ZFHX3: variants seen among roughly 807,000 people sequenced by gnomAD.
ZFHX3 encodes the protein zinc finger homeobox protein 3.
ZFHX3 carries 42 observed loss-of-function variants against 279.1 expected under a neutral mutation model. The observed-to-expected ratio is 0.15, with a 90% CI of 0.12 to 0.19. ZFHX3 has a LOEUF of 0.19. ZFHX3 is among the 10% of genes least tolerant of loss of function. The pLI is 1.00. For synonymous variants in ZFHX3, 2,293 were observed against 1,957.8 expected (o/e 1.17, Z -4.52); for missense variants, 4,981 against 4,754.0 (o/e 1.05, Z -1.40).
intron 4 of ZFHX3, among the ~76,000 whole-genome samples, chr16:73,304,534 ACT>A (rs1355168047): frequency 1.3e-5 from 2 of 150,644 alleles, no homozygotes; most frequent in Non-Finnish European, 3.0e-5. Flanking sequence ...CCCATCCCCC[ACT>A]CTCTCCCCGC....
chr16:73,039,827 C>T (rs1362868664), intron 1 of ZFHX3, among the ~76,000 whole-genome samples: 1 of 152,144 alleles, frequency 6.6e-6, no homozygotes, highest in Admixed American at 6.5e-5. Context: ...CCACCATGCA[C>T]AACCCAAGCA....
intron 1 of ZFHX3, among the ~76,000 whole-genome samples, chr16:73,018,933 C>T (rs920891251): frequency 3.9e-5 from 6 of 152,152 alleles, no homozygotes; most frequent in African/African-American, 7.2e-5. Context: ...CTTCCGGTTC[C>T]GCTAAGACTC....
intron 3 of ZFHX3, among the ~76,000 whole-genome samples, chr16:73,431,533 G>T (rs909788780): frequency 6.6e-6 from 1 of 151,964 alleles, no homozygotes; most frequent in Non-Finnish European, 1.5e-5. Flanking sequence ...AGAGGGAGAC[G>T]CTGTCTCAAG....
At chr16:73,194,714 G>A (rs192518839) in intron 5 of ZFHX3, among the ~76,000 whole-genome samples, 1 of 152,214 alleles carries the variant, frequency 6.6e-6, no homozygotes, top group Admixed American at 6.5e-5. Flanking sequence ...TGCAATTTTT[G>A]TCCACACCCA....
At chr16:73,293,953 T>C (rs1208659345) in intron 4 of ZFHX3, 1 of 140,670 alleles carries the variant, frequency 7.1e-6, no homozygotes, top group Non-Finnish European at 1.5e-5. Context: ...AGAAAACCTT[T>C]GCATTATTCC....
intron 4 of ZFHX3, among the ~76,000 whole-genome samples, chr16:72,832,560 C>G (rs1438295886): frequency 6.6e-6 from 1 of 152,214 alleles, no homozygotes; most frequent in Non-Finnish European, 1.5e-5. Context: ...ATTTGTGATT[C>G]ATTCACTAAA....
intron 2 of ZFHX3, among the ~76,000 whole-genome samples, chr16:73,550,303 C>T (rs527701034): frequency 2.6e-5 from 4 of 152,266 alleles, no homozygotes; most frequent in South Asian, 2.1e-4. Context: ...TGTCAGGTCA[C>T]GGGGGACACA....
At chr16:73,694,594 G>A (rs551295073) in intron 1 of ZFHX3, among the ~76,000 whole-genome samples, 76 of 152,084 alleles carry the variant, frequency 5.0e-4, no homozygotes, top group African/African-American at 1.8e-3. Flanking sequence ...CATCCGCCTC[G>A]GCCTCCCAAA....
chr16:73,310,353 C>T (rs923950422), intron 4 of ZFHX3, among the ~76,000 whole-genome samples: 4 of 152,052 alleles, frequency 2.6e-5, no homozygotes, highest in African/African-American at 9.7e-5. Context: ...AAAAAGTGAC[C>T]AATTTTTAGC....
intron 4 of ZFHX3, among the ~76,000 whole-genome samples, chr16:72,879,899 G>A (rs975712016): frequency 1.3e-5 from 2 of 152,214 alleles, no homozygotes; most frequent in Non-Finnish European, 2.9e-5. Context: ...CCAGCAAGAA[G>A]GTTTCGGTGA....
intron 5 of ZFHX3, among the ~76,000 whole-genome samples, chr16:73,185,232 T>C (rs1967885563): frequency 6.6e-6 from 1 of 152,182 alleles, no homozygotes; most frequent in African/African-American, 2.4e-5. Flanking sequence ...ATGGCTAATA[T>C]TTCTTGAACA....
At chr16:73,374,667 T>C (rs1464362566) in intron 3 of ZFHX3, among the ~76,000 whole-genome samples, 2 of 152,234 alleles carry the variant, frequency 1.3e-5, no homozygotes, top group Admixed American at 1.3e-4. Context: ...ATTGCAATGG[T>C]CGATAGGTCT....
intron 4 of ZFHX3, among the ~76,000 whole-genome samples, chr16:72,842,809 T>A (rs1455471103): frequency 6.6e-6 from 1 of 151,952 alleles, no homozygotes; most frequent in African/African-American, 2.4e-5. Context: ...TGCTGAAAGG[T>A]TAAAAAGAAT....
intron 4 of ZFHX3, among the ~76,000 whole-genome samples, chr16:73,309,349 G>A (rs546122428): frequency 6.6e-5 from 10 of 152,222 alleles, no homozygotes; most frequent in East Asian, 1.9e-4. Flanking sequence ...CTGTTTCTGT[G>A]TTAGTTTTCT....
chr16:73,333,115 T>C (rs2015837625), intron 3 of ZFHX3, among the ~76,000 whole-genome samples: 1 of 152,112 alleles, frequency 6.6e-6, no homozygotes, highest in South Asian at 2.1e-4. Flanking sequence ...AATACATAAA[T>C]AGTTACATAG....
intron 2 of ZFHX3, among the ~76,000 whole-genome samples, chr16:73,513,785 G>A (rs1405786595): frequency 6.6e-6 from 1 of 152,062 alleles, no homozygotes; most frequent in African/African-American, 2.4e-5. Flanking sequence ...GGACTTATGG[G>A]AATAAGCACA....
chr16:73,250,534 T>C (rs991828390), intron 5 of ZFHX3, among the ~76,000 whole-genome samples: 3 of 152,186 alleles, frequency 2.0e-5, no homozygotes, highest in African/African-American at 7.2e-5. Flanking sequence ...ATTTTATTTA[T>C]TCATTTATTT....
chr16:72,950,408 C>G (rs1960925899), intron 3 of ZFHX3, 61 bp downstream of exon 3: 2 of 1,576,628 alleles, frequency 1.3e-6, no homozygotes, highest in Non-Finnish European at 1.7e-6. Flanking sequence ...TCCCTAACTC[C>G]CCGGTGCGCA....
chr16:73,169,291 A>C (rs1346316172), intron 5 of ZFHX3, among the ~76,000 whole-genome samples: 2 of 152,210 alleles, frequency 1.3e-5, no homozygotes, highest in Non-Finnish European at 2.9e-5. Context: ...GCATACTCTG[A>C]ACTTTTCCTA....
Sources: allele counts gnomAD v4.1 joint callset (sites outside exome capture counted in the v4.1 genomes callset), GRCh38; gene constraint gnomAD v4.1.1; transcripts MANE v1.5; gene names NCBI Gene and HGNC (gene_info 2026-07-23, HGNC 2026-07-21).